SYT17: variants seen among roughly 807,000 people sequenced by gnomAD.
The protein encoded by SYT17 is synaptotagmin-17.
SYT17 carries 22 observed loss-of-function variants against 46.7 expected under a neutral mutation model. The ratio of observed to expected loss-of-function variants is 0.47; its 90% CI spans 0.34 to 0.67. The LOEUF is 0.67. SYT17 is among the 30% of genes least tolerant of loss of function. SYT17 has a pLI of 0.01. For missense variants in SYT17, 519 were observed against 612.8 expected, an observed-to-expected ratio of 0.85 and a Z score of 1.62; for synonymous variants, 251 against 248.4, an observed-to-expected ratio of 1.01 and a Z score of -0.10.
Position 19,168,344 on chromosome 16 carries a change from G to A in SYT17, c.-303G>A, listed in dbSNP as rs2142480916. 3 of 482,288 alleles carry A rather than the reference G, an allele frequency of 6.2e-6. No homozygotes were observed. The highest frequency in any genetic ancestry group is 4.0e-5 in the East Asian group (1 of 24,782). The allele number at this position is 482,288 out of a possible 1,614,324, so 29.9% of individuals were successfully genotyped here. A position where few individuals can be genotyped will look rare whatever the true frequency, so the allele number is the denominator to read the frequency against. On this transcript the variant is annotated 5_prime_UTR_variant, in exon 1 of 8. Coordinates refer to ENST00000355377, the MANE Select transcript of SYT17 (RefSeq NM_016524.4). This position sits in a 1 kb window ranked among gnomAD's most constrained non-coding sequence, Gnocchi z 6.9. ...AGGCGCCCCGGCCTTATTCCAGCCT[G>A]GGGAGCGCCTCGGTGGGGAGCACGG...
chr16:19,227,179 T>C (rs1966526945), intron 7 of SYT17, among the ~76,000 whole-genome samples: 1 of 152,214 alleles, frequency 6.6e-6, no homozygotes, highest in South Asian at 2.1e-4. Flanking sequence ...TAGTAAGCAC[T>C]CTAGAACTGT....
rs1205344698 is a variant in SYT17, at chr16:19,268,295, C to G, written c.*1219C>G. On this transcript the variant is annotated 3_prime_UTR_variant, in exon 8 of 8. Coordinates refer to ENST00000355377, the MANE Select transcript of SYT17 (RefSeq NM_016524.4). Reference sequence around the variant, plus strand: ...GCATAATGTCTGGTGTGATGGGGAGCTATTTATTGAAATTAAAGATTATTT... The same window carrying G: ...GCATAATGTCTGGTGTGATGGGGAGGTATTTATTGAAATTAAAGATTATTT... The G allele has an allele frequency of 6.6e-6, 1 of 152,026 alleles. No individual in the cohort carries two copies. Among genetic ancestry groups the G allele is most frequent in the Non-Finnish European group, 1.5e-5 (1 of 68,038 alleles). The allele number at this position is 152,026 out of a possible 1,614,324, so 9.4% of individuals were successfully genotyped here.
chr16:19,186,976 G>A (rs1567203268), intron 5 of SYT17, among the ~76,000 whole-genome samples: 1 of 152,122 alleles, frequency 6.6e-6, no homozygotes. Flanking sequence ...ATGATGCAGT[G>A]TGCTGCATGC....
chr16:19,232,442 A>G (rs1354227447), intron 7 of SYT17, among the ~76,000 whole-genome samples: 1 of 152,150 alleles, frequency 6.6e-6, no homozygotes, highest in Non-Finnish European at 1.5e-5. Context: ...GGTGATGCTG[A>G]TGCTGTGGGG....
At chr16:19,257,747 AGCATCAAAGAG>A (rs1968680687) in intron 7 of SYT17, among the ~76,000 whole-genome samples, 1 of 152,146 alleles carries the variant, frequency 6.6e-6, no homozygotes, top group African/African-American at 2.4e-5. Context: ...ATCTTAACCC[AGCATCAAAGAG>A]GTAGATCGCC....
chr16:19,213,235 A>G (rs11074371), intron 5 of SYT17, among the ~76,000 whole-genome samples: 58,723 of 152,056 alleles, frequency 0.39, 11,664 homozygotes, highest in African/African-American at 0.47. Flanking sequence ...AAAGGAGGGA[A>G]GGGGTTTTTA....
chr16:19,264,166 T>TC (rs1567241615), intron 7 of SYT17, among the ~76,000 whole-genome samples: 1 of 152,186 alleles, frequency 6.6e-6, no homozygotes, highest in Non-Finnish European at 1.5e-5. Flanking sequence ...ATCTTGAACT[T>TC]CCCAGCCTCC....
chr16:19,254,253 C>T (rs1968399789), intron 7 of SYT17, among the ~76,000 whole-genome samples: 1 of 152,176 alleles, frequency 6.6e-6, no homozygotes, highest in African/African-American at 2.4e-5. Context: ...AGGGACAAAA[C>T]CTGCACAGTT....
chr16:19,189,045 C>T (rs1039747329), intron 5 of SYT17, among the ~76,000 whole-genome samples: 8 of 152,250 alleles, frequency 5.3e-5, no homozygotes, highest in African/African-American at 1.9e-4. Flanking sequence ...CACCACCACG[C>T]CCGGCTAATT....
chr16:19,183,087 A>G lies in SYT17; in HGVS notation c.332-441A>G, dbSNP rs1013386331. Among the ~76,000 whole-genome samples, 3 of 152,180 alleles carry G rather than the reference A, an allele frequency of 2.0e-5. No individual in the cohort carries two copies. The highest frequency in any genetic ancestry group is 1.5e-5 in the Non-Finnish European group (1 of 68,030). On this transcript the variant is annotated intron_variant, in intron 4 of 7. Transcript: ENST00000355377. The surrounding 1 kb of genome is among the most constrained non-coding windows in gnomAD (Gnocchi z 5.6). ...CTGGTCCCAGAGCTCACTCTCTTAAAGTGGAGACATCGTAGGATAATGGTT... is the reference window on the plus strand; with the variant it reads ...CTGGTCCCAGAGCTCACTCTCTTAAGGTGGAGACATCGTAGGATAATGGTT...
chr16:19,250,099 CTTTTA>C (rs1167527343), intron 7 of SYT17: 7 of 1,499,164 alleles, frequency 4.7e-6, no homozygotes, highest in African/African-American at 4.2e-5. Context: ...TGTCTGGTTG[CTTTTA>C]TTTTAAAGGC....
chr16:19,220,542 AC>A (rs993454115), intron 5 of SYT17, among the ~76,000 whole-genome samples: 1 of 151,666 alleles, frequency 6.6e-6, no homozygotes, highest in Non-Finnish European at 1.5e-5. Context: ...TAGATGATCC[AC>A]CCACGTTGGC....
At chr16:19,229,209 C>T (rs1966596980) in intron 7 of SYT17, among the ~76,000 whole-genome samples, 1 of 152,122 alleles carries the variant, frequency 6.6e-6, no homozygotes, top group Non-Finnish European at 1.5e-5. Context: ...GCGTATTAGT[C>T]CGTTCTCGCA....
At position 19,245,194 on chromosome 16, in the gene SYT17, G is replaced by A. The variant is rs1967449510; in HGVS notation, c.1228+20356G>A. Among the ~76,000 whole-genome samples, 3 of 152,284 alleles carry A rather than the reference G, an allele frequency of 2.0e-5. No individual in the cohort carries two copies. In the South Asian group the frequency reaches 6.2e-4, roughly 32 times the overall value. On this transcript the variant is annotated intron_variant, in intron 7 of 7. Coordinates refer to ENST00000355377, the MANE Select transcript of SYT17 (RefSeq NM_016524.4). ...GACTTATGAAAGCAGTGAAATCAGTGGTTCTCAACCTGGGGTGACATTGTC... is the reference window on the plus strand; with the variant it reads ...GACTTATGAAAGCAGTGAAATCAGTAGTTCTCAACCTGGGGTGACATTGTC...
chr16:19,259,814 G>A (rs1968836409), intron 7 of SYT17, among the ~76,000 whole-genome samples: 1 of 152,118 alleles, frequency 6.6e-6, no homozygotes, highest in Admixed American at 6.6e-5. Context: ...CAATCAGTTT[G>A]GGAGTTTATT....
chr16:19,208,670 A>G (rs939113366), intron 5 of SYT17, among the ~76,000 whole-genome samples: 16 of 152,052 alleles, frequency 1.1e-4, no homozygotes, highest in Admixed American at 2.0e-4. Flanking sequence ...TGGCAAAGCT[A>G]TTATCTGTAC....
chr16:19,213,731 T>C (rs1485817415), intron 5 of SYT17, among the ~76,000 whole-genome samples: 1 of 152,200 alleles, frequency 6.6e-6, no homozygotes, highest in Non-Finnish European at 1.5e-5. Flanking sequence ...GGTTTTGCTT[T>C]GTTGCCCAGG....
intron 3 of SYT17, among the ~76,000 whole-genome samples, chr16:19,179,901 G>A (rs1376034645): frequency 1.3e-5 from 2 of 152,166 alleles, no homozygotes; most frequent in Admixed American, 6.5e-5. Context: ...TTTCTGCCGC[G>A]CAAAGAACCC....
At chr16:19,180,233 G>A (rs112771658) in intron 3 of SYT17, 158 bp from the exon 4 acceptor site, 28 of 672,962 alleles carry the variant, frequency 4.2e-5, no homozygotes, top group African/African-American at 4.0e-4. Context: ...AGACGTTGTT[G>A]AGAGTTTAAG....
Sources: gnomAD v4.1 joint callset for allele counts (sites outside exome capture counted in the v4.1 genomes callset) on GRCh38, gnomAD v4.1.1 for gene constraint, Gnocchi (gnomAD v3.1) non-coding constraint, MANE v1.5 for transcripts, NCBI Gene and HGNC (gene_info 2026-07-23, HGNC 2026-07-21) for gene names.